Variants in UBR1 observed in about 807,000 individuals in gnomAD.
UBR1 encodes E3 ubiquitin-protein ligase UBR1.
UBR1 carries 102 observed loss-of-function variants against 242.1 expected under a neutral mutation model. The ratio of observed to expected loss-of-function variants is 0.42; its 90% CI spans 0.36 to 0.50. The LOEUF is 0.50. UBR1 is among the 20% of genes least tolerant of loss of function. The probability of loss-of-function intolerance (pLI) is 0.01; values close to 1 mark genes in which losing one functional copy is unlikely to be tolerated. For synonymous variants in UBR1, 675 were observed against 684.8 expected (o/e 0.99, Z 0.22); for missense variants, 1,772 against 2,101.8 (o/e 0.84, Z 3.07).
intron 12 of UBR1, among the ~76,000 whole-genome samples, chr15:43,053,553 C>G (rs1349629396): frequency 6.6e-6 from 1 of 152,176 alleles, no homozygotes; most frequent in Admixed American, 6.5e-5. Flanking sequence ...TACCTACCAT[C>G]TCCACTTATA....
chr15:42,945,869 T>C (rs1213148156), intron 46 of UBR1, among the ~76,000 whole-genome samples: 3 of 152,210 alleles, frequency 2.0e-5, no homozygotes, highest in Non-Finnish European at 2.9e-5. Flanking sequence ...CGTATAACAC[T>C]AGGCCCTAAA....
chr15:42,955,717 A>C (rs1044240061), intron 44 of UBR1, among the ~76,000 whole-genome samples: 1 of 152,230 alleles, frequency 6.6e-6, no homozygotes, highest in African/African-American at 2.4e-5. Flanking sequence ...GCAGATGTGA[A>C]TATAATTCCT....
intron 1 of UBR1, among the ~76,000 whole-genome samples, chr15:43,092,640 GC>G (rs1372754137): frequency 1.3e-5 from 2 of 151,984 alleles, no homozygotes; most frequent in Non-Finnish European, 2.9e-5. Context: ...TGCAACCTCT[GC>G]CCCCTGGGTT....
chr15:43,026,806 A>C, intron 22 of UBR1, 143 bp from the exon 23 acceptor site: 3 of 684,962 alleles, frequency 4.4e-6, no homozygotes. Flanking sequence ...ATTCCATTGC[A>C]ATAATAAAAC....
At chr15:43,034,012 G>T (rs777405566) in intron 19 of UBR1, among the ~76,000 whole-genome samples, 1 of 151,936 alleles carries the variant, frequency 6.6e-6, no homozygotes, top group Non-Finnish European at 1.5e-5. Context: ...GGCCGAGGCG[G>T]GTGGATCACA....
intron 33 of UBR1, among the ~76,000 whole-genome samples, chr15:42,992,650 G>A (rs2032573773): frequency 6.6e-6 from 1 of 152,174 alleles, no homozygotes. Flanking sequence ...GCTTGGAGGT[G>A]AGCCCAGGAC....
At chr15:43,093,258 A>G (rs2034124257) in intron 1 of UBR1, among the ~76,000 whole-genome samples, 1 of 152,244 alleles carries the variant, frequency 6.6e-6, no homozygotes, top group African/African-American at 2.4e-5. Context: ...TAAGTAGATT[A>G]GTTTTGTTTA....
chr15:43,070,722 C>T, intron 5 of UBR1, 73 bp downstream of exon 5: 2 of 1,594,658 alleles, frequency 1.3e-6, no homozygotes, highest in Non-Finnish European at 1.7e-6. Context: ...ATAACAAAAA[C>T]AATTATCAAA....
At chr15:43,007,000 G>C in intron 30 of UBR1, 79 bp downstream of exon 30, 3 of 1,397,644 alleles carry the variant, frequency 2.1e-6, no homozygotes, top group Non-Finnish European at 3.0e-6. Flanking sequence ...ATTTCCAAAT[G>C]TTTTTCAAAT....
At chr15:43,032,120 A>G (rs1252930137) in intron 20 of UBR1, among the ~76,000 whole-genome samples, 1 of 152,224 alleles carries the variant, frequency 6.6e-6, no homozygotes, top group Non-Finnish European at 1.5e-5. Flanking sequence ...GACATAGCAT[A>G]TATTTGTATT....
At chr15:43,036,483 A>G in intron 18 of UBR1, 45 bp downstream of exon 18, 1 of 1,407,982 alleles carries the variant, frequency 7.1e-7, no homozygotes, top group Non-Finnish European at 1.0e-6. Flanking sequence ...AGAATTCAAG[A>G]AGGAAGATGA....
chr15:43,015,954 T>C (rs2033017893), intron 28 of UBR1, 85 bp from the exon 29 acceptor site: 22 of 1,308,322 alleles, frequency 1.7e-5, no homozygotes, highest in Non-Finnish European at 2.2e-5. Context: ...TTCCTTAGAA[T>C]AAGATTCTGA....
intron 35 of UBR1, among the ~76,000 whole-genome samples, chr15:42,985,763 A>C (rs1289518787): frequency 6.6e-6 from 1 of 151,354 alleles, no homozygotes; most frequent in East Asian, 2.0e-4. Context: ...GTGAGGCAGG[A>C]GGACTGCTTG....
At position 42,952,448 on chromosome 15, in the gene UBR1, C is replaced by T. The variant is rs2031850475; in HGVS notation, c.4836G>A (p.Arg1612=). 2.5e-6 allele frequency: 4 copies of T among 1,614,128 alleles called. No homozygotes were observed. In the East Asian group the frequency reaches 6.7e-5, roughly 27 times the overall value. Residue 1612 remains arginine, a splice_region_variant and synonymous_variant, in exon 45 of 47, where the codon AGG becomes AGA. Coordinates refer to ENST00000290650, the MANE Select transcript of UBR1 (RefSeq NM_174916.3). The part of the protein sequence containing the change: ...SCLLNQASHF[R]CPRSADDERK... The stretch of plus-strand genomic sequence containing the variant: ...GCTCATCATCTGCAGACCGTGGGCA[C>T]CTCAAAAGAGAAGAAAACATTTAGA...
intron 5 of UBR1, 73 bp from the exon 6 acceptor site, chr15:43,068,109 A>AAAAAAG: frequency 9.5e-7 from 1 of 1,057,926 alleles, no homozygotes; most frequent in Non-Finnish European, 1.3e-6. Context: ...AAAAAAAAAG[A>AAAAAAG]CAAAATTAAT....
intron 29 of UBR1, among the ~76,000 whole-genome samples, chr15:43,008,315 G>A (rs150243176): frequency 5.9e-5 from 9 of 152,260 alleles, no homozygotes; most frequent in Non-Finnish European, 1.3e-4. Context: ...GAGCCTCTCC[G>A]CACTCCCAAT....
In UBR1 at chr15:43,067,914, G is replaced by A. The variant is rs1382765470; in HGVS notation, c.782C>T (p.Thr261Ile). The change falls in exon 6 of 47, where the codon ACT becomes ATT. Residue 261 changes from threonine to isoleucine, a missense_variant. Coordinates refer to ENST00000290650, the MANE Select transcript of UBR1 (RefSeq NM_174916.3). Reference sequence around the variant, plus strand: ...ACCACAAACCTCTTTGTCAATGGCAGTGGTATGCAACTGGGCCTCTGCGAG... The same window carrying A: ...ACCACAAACCTCTTTGTCAATGGCAATGGTATGCAACTGGGCCTCTGCGAG... ...CELAEAQLHT[T>I]AIDKEGRRAV... 1.9e-6 allele frequency: 3 copies of A among 1,613,924 alleles called. No individual in the cohort carries two copies. The East Asian group carries it at 6.7e-5, about 36-fold the overall frequency.
chr15:43,066,246 T>C (rs765246236), intron 6 of UBR1, among the ~76,000 whole-genome samples: 1 of 152,208 alleles, frequency 6.6e-6, no homozygotes, highest in African/African-American at 2.4e-5. Context: ...TTGCTTGTTT[T>C]TGTCATGTTT....
At chr15:43,074,472 A>G (rs2033861715) in intron 4 of UBR1, among the ~76,000 whole-genome samples, 1 of 152,200 alleles carries the variant, frequency 6.6e-6, no homozygotes, top group Non-Finnish European at 1.5e-5. Flanking sequence ...TCTGTCGCCC[A>G]GGATGGAGTG....
Sources: gnomAD v4.1 joint callset for allele counts (sites outside exome capture counted in the v4.1 genomes callset) on GRCh38, gnomAD v4.1.1 for gene constraint, MANE v1.5 for transcripts, NCBI Gene and HGNC (gene_info 2026-07-23, HGNC 2026-07-21) for gene names.